Variants in PDE4A observed in about 807,000 individuals in gnomAD.
PDE4A encodes the protein phosphodiesterase 4A.
Under a neutral mutation model 73.9 loss-of-function variants are expected in PDE4A, and 21 were observed. That is an observed-to-expected ratio of 0.28 (90% CI 0.20 to 0.41). PDE4A has a LOEUF of 0.41. Among genes scored for constraint, PDE4A ranks in the 10% least tolerant of loss-of-function variants. The pLI, the probability that PDE4A is intolerant of heterozygous loss-of-function variation, is 1.00. For missense variants in PDE4A, 958 were observed against 1,211.4 expected (o/e 0.79, Z 3.10); for synonymous variants, 463 against 505.4 (o/e 0.92, Z 1.13).
chr19:10,439,960 A>G (rs2042914295), intron 1 of PDE4A, among the ~76,000 whole-genome samples: 1 of 150,776 alleles, frequency 6.6e-6, no homozygotes, highest in Non-Finnish European at 1.5e-5. Flanking sequence ...GAACCATCCT[A>G]ATAGGCGTGA....
In PDE4A at chr19:10,467,640, T is replaced by C. The variant is rs2043402830; in HGVS notation, c.*19T>C. ...TACCTGATCCCCAGACCTCTGTCCCTGTTCCCCTCCACTCCTCCCCTCACT... is the reference window on the plus strand; with the variant it reads ...TACCTGATCCCCAGACCTCTGTCCCCGTTCCCCTCCACTCCTCCCCTCACT... On this transcript the variant is annotated 3_prime_UTR_variant, in exon 15 of 15. Transcript: ENST00000380702. 4 of 1,521,372 alleles carry C rather than the reference T, an allele frequency of 2.6e-6. No homozygotes were observed. The East Asian group carries it at 9.1e-5, about 35-fold the overall frequency. The allele number at this position is 1,521,372 out of a possible 1,614,324, so 94.2% of individuals were successfully genotyped here. A position where few individuals can be genotyped will look rare whatever the true frequency, so the allele number is the denominator to read the frequency against.
chr19:10,452,940 G>T, intron 6 of PDE4A: 1 of 1,074,500 alleles, frequency 9.3e-7, no homozygotes, highest in Non-Finnish European at 1.1e-6. Context: ...GCACACACAC[G>T]GGTGCACACA....
intron 6 of PDE4A, among the ~76,000 whole-genome samples, chr19:10,454,045 G>C (rs75420883): frequency 6.6e-6 from 1 of 152,126 alleles, no homozygotes; most frequent in African/African-American, 2.4e-5. Context: ...TCTCCTCTGT[G>C]TACAATGTCA....
chr19:10,455,550 C>T (rs2043157613), intron 7 of PDE4A, among the ~76,000 whole-genome samples: 1 of 151,908 alleles, frequency 6.6e-6, no homozygotes, highest in Admixed American at 6.6e-5. Context: ...AAGAGAATCT[C>T]TTGAACTCAG....
chr19:10,465,513 C>G (rs894756665), intron 14 of PDE4A, among the ~76,000 whole-genome samples: 9 of 150,778 alleles, frequency 6.0e-5, no homozygotes, highest in Non-Finnish European at 1.2e-4. Flanking sequence ...AGCCACCGCG[C>G]CCAGCCTCCC....
rs372360080 is a variant in PDE4A at position 10,423,523 on chromosome 19, C to T, written c.320+2439C>T. Among the ~76,000 whole-genome samples the T allele has an allele frequency of 1.6e-4, 25 of 152,254 alleles. No individual in the cohort carries two copies. In the East Asian group the frequency reaches 1.9e-3, roughly 12 times the overall value. ...GGAGATGGGGGAGCTGGAATTGCAA[C>T]GCAGGTCCGCCCAATTCCTGTGCAT... On this transcript the variant is annotated intron_variant, in intron 1 of 14. Coordinates refer to ENST00000380702, the MANE Select transcript of PDE4A (RefSeq NM_001111307.2).
upstream of PDE4A, chr19:10,417,652 C>G (rs1460462144): frequency 1.3e-6 from 2 of 1,588,794 alleles, no homozygotes; most frequent in African/African-American, 2.7e-5. Context: ...CACTTTGTCC[C>G]TCCCCAGAGG....
At chr19:10,450,422 C>A in intron 4 of PDE4A, 181 bp from the exon 5 acceptor site, 1 of 893,732 alleles carries the variant, frequency 1.1e-6, no homozygotes, top group Non-Finnish European at 1.3e-6. Flanking sequence ...TCAGTTTCCA[C>A]ATCTATAAAA....
At chr19:10,464,124 G>A in intron 14 of PDE4A, 149 bp downstream of exon 14, 1 of 1,045,136 alleles carries the variant, frequency 9.6e-7, no homozygotes, top group South Asian at 1.5e-5. Context: ...TTGAGACGGA[G>A]TCTCATTCTA....
At chr19:10,431,009 G>A (rs1474989870) in intron 1 of PDE4A, 3 of 1,578,758 alleles carry the variant, frequency 1.9e-6, no homozygotes, top group Non-Finnish European at 1.7e-6. Flanking sequence ...TCGCCAGCCC[G>A]TCCCCAACTT....
Position 10,468,633 on chromosome 19 carries a change from C to G in PDE4A, c.*1012C>G, listed in dbSNP as rs1273484829. 1.3e-5 allele frequency: 2 copies of G among 152,422 alleles called. No individual in the cohort carries two copies. The highest frequency in any genetic ancestry group is 2.1e-4 in the South Asian group (1 of 4,802). 9.4% of individuals were successfully genotyped at this position (152,422 alleles called of 1,614,324 possible). On this transcript the variant is annotated 3_prime_UTR_variant, in exon 15 of 15. Transcript: ENST00000380702. ...AGAACCCCCATCCTGGCCGCACCCC[C>G]CTTTCCAGGGTCCTCCGGACCCCAC... is the stretch of plus-strand genomic sequence containing the variant.
rs199649730 is a variant in PDE4A, at chr19:10,467,725, C to T, written c.*104C>T. ...AAAGACTCTTGTCCTCTTGTCCCTC[C>T]TGAGAAAAAAGAAAACGAAAAGTGG... On this transcript the variant is annotated 3_prime_UTR_variant, in exon 15 of 15. Transcript: ENST00000380702. 69 of 866,396 alleles carry T rather than the reference C, an allele frequency of 8.0e-5. No homozygotes were observed. The highest frequency in any genetic ancestry group is 1.1e-4 in the Non-Finnish European group (63 of 592,798). 53.7% of individuals were successfully genotyped at this position (866,396 alleles called of 1,614,324 possible). A position where few individuals can be genotyped will look rare whatever the true frequency, so the allele number is the denominator to read the frequency against.
At chr19:10,419,475 G>A (rs2042622130), upstream of PDE4A, 1 of 152,242 alleles carries the variant, frequency 6.6e-6, no homozygotes, top group Non-Finnish European at 1.5e-5. Context: ...AAAGGGCACG[G>A]GGGTGCGCTC....
At chr19:10,454,098 G>T (rs1203983592) in intron 6 of PDE4A, among the ~76,000 whole-genome samples, 1 of 152,242 alleles carries the variant, frequency 6.6e-6, no homozygotes, top group East Asian at 1.9e-4. Context: ...ACCAGGAGGG[G>T]CCTCCAAGCC....
At chr19:10,461,747 T>G in intron 12 of PDE4A, 67 bp downstream of exon 12, 4 of 1,593,844 alleles carry the variant, frequency 2.5e-6, no homozygotes, top group Non-Finnish European at 3.4e-6. Flanking sequence ...TGGGGAGGAG[T>G]GGGTCTGAGT....
chr19:10,451,953 G>C (rs1233654727), intron 6 of PDE4A, among the ~76,000 whole-genome samples: 1 of 151,918 alleles, frequency 6.6e-6, no homozygotes, highest in Non-Finnish European at 1.5e-5. Context: ...TTGTGTCCCT[G>C]AGGGTGGATC....
intron 1 of PDE4A, among the ~76,000 whole-genome samples, chr19:10,436,006 G>T (rs1283324242): frequency 2.6e-5 from 4 of 152,176 alleles, no homozygotes; most frequent in African/African-American, 9.7e-5. Flanking sequence ...AGGCCTCTGG[G>T]CTCCTGCTGA....
At chr19:10,455,961 C>G (rs370992046) in intron 7 of PDE4A, among the ~76,000 whole-genome samples, 1 of 150,870 alleles carries the variant, frequency 6.6e-6, no homozygotes, top group African/African-American at 2.4e-5. Context: ...CCACAAAAGG[C>G]CCCCCAACTT....
chr19:10,439,175 T>TTCTG (rs2042903949), intron 1 of PDE4A, among the ~76,000 whole-genome samples: 1 of 151,984 alleles, frequency 6.6e-6, no homozygotes, highest in African/African-American at 2.4e-5. Context: ...TTTGAGGGTT[T>TTCTG]TTTGTTTGTT....
Sources: allele counts gnomAD v4.1 joint callset (sites outside exome capture counted in the v4.1 genomes callset), GRCh38; gene constraint gnomAD v4.1.1; transcripts MANE v1.5; gene names NCBI Gene and HGNC (gene_info 2026-07-23, HGNC 2026-07-21).